Variants in CDC25C observed in about 807,000 individuals in gnomAD.
The protein encoded by CDC25C is M-phase inducer phosphatase 3.
In CDC25C, 48 loss-of-function variants were observed where a neutral mutation model predicts 52.5. The observed-to-expected ratio is 0.91, with a 90% CI of 0.72 to 1.16. The LOEUF is 1.16. Ranked by LOEUF, CDC25C falls within the 50% of genes most tolerant of loss-of-function variation. The probability of loss-of-function intolerance (pLI) is 0.00; values close to 1 mark genes in which losing one functional copy is unlikely to be tolerated. For synonymous variants in CDC25C, 187 were observed against 206.5 expected (o/e 0.91, Z 0.81); for missense variants, 510 against 566.1 (o/e 0.90, Z 1.01).
chr5:138,309,661 G>A lies in CDC25C; in HGVS notation c.615+9558C>T, dbSNP rs530194043. ...TCATCATCTATTATTATACTATCAA[G>A]AGCTCAAACATGGCATGCCCTCAAA... On this transcript the variant is annotated intron_variant, in intron 7 of 13. Coordinates refer to ENST00000323760, the MANE Select transcript of CDC25C (RefSeq NM_001790.5). Among the ~76,000 whole-genome samples the A allele has an allele frequency of 2.6e-5, 4 of 151,154 alleles. No individual in the cohort carries two copies. In the South Asian group the frequency reaches 8.4e-4, roughly 32 times the overall value.
chr5:138,287,301 C>T, intron 10 of CDC25C, 34 bp from the exon 11 acceptor site: 3 of 1,462,000 alleles, frequency 2.1e-6, no homozygotes, highest in Non-Finnish European at 2.9e-6. Context: ...ATTCTGCTCA[C>T]TGCCACTCTG....
At chr5:138,302,591 C>T (rs899322232) in intron 7 of CDC25C, among the ~76,000 whole-genome samples, 5 of 151,454 alleles carry the variant, frequency 3.3e-5, no homozygotes, top group Admixed American at 6.6e-5. Flanking sequence ...CCCAGCTACT[C>T]GGGAGGCTGA....
chr5:138,319,498 G>T, intron 6 of CDC25C, 124 bp from the exon 7 acceptor site: 1 of 657,232 alleles, frequency 1.5e-6, no homozygotes, highest in Non-Finnish European at 2.3e-6. Flanking sequence ...ACTGGATTTG[G>T]ATAATGCCAC....
At chr5:138,300,225 T>G (rs1213237996) in intron 7 of CDC25C, among the ~76,000 whole-genome samples, 2 of 152,014 alleles carry the variant, frequency 1.3e-5, no homozygotes, top group East Asian at 3.9e-4. Context: ...ATCCCAGAAA[T>G]GCAAGGTTGA....
chr5:138,331,511 C>A (rs11567957), intron 1 of CDC25C, 84 bp downstream of exon 1: 187,408 of 1,049,732 alleles, frequency 0.18, 17,825 homozygotes, highest in South Asian at 0.24. Flanking sequence ...GCCCTCCCAA[C>A]CTCTGTCTGT....
rs1393955760 is a variant in CDC25C, at chr5:138,286,086, G to T, written c.1208C>A (p.Ala403Glu). Residue 403 changes from alanine (A) to glutamate (E), a missense_variant, in exon 13 of 14, where the codon GCA becomes GAA. By Grantham distance (107) the Ala-to-Glu change is moderately radical. Coordinates refer to ENST00000323760, the MANE Select transcript of CDC25C (RefSeq NM_001790.5). ...GATATATAGCTCTGGGTAGTACAATGCAGGATACTGGTTCAGAGACCTGTC... is the reference window on the plus strand; with the variant it reads ...GATATATAGCTCTGGGTAGTACAATTCAGGATACTGGTTCAGAGACCTGTC... ...EEDRSLNQYP[A>E]LYYPELYILK... The T allele has an allele frequency of 2.7e-5, 43 of 1,614,092 alleles. No individual in the cohort carries two copies. The highest frequency in any genetic ancestry group is 3.6e-5 in the Non-Finnish European group (42 of 1,179,978).
Position 138,319,222 on chromosome 5 carries a change from T to C in CDC25C, c.612A>G (p.Ala204=). The change falls in exon 7 of 14, where the codon GCA becomes GCG. Residue 204 remains alanine, a synonymous_variant. Coordinates refer to ENST00000323760, the MANE Select transcript of CDC25C (RefSeq NM_001790.5). ...ATACTACCACAGAACACTTTACCTTTGCTTCTTGATCTTTCAGGGAAAACT... is the reference window on the plus strand; with the variant it reads ...ATACTACCACAGAACACTTTACCTTCGCTTCTTGATCTTTCAGGGAAAACT... ...LMEFSLKDQE[A]KVSRSGLYRS... 6.2e-7 allele frequency: 1 copy of C among 1,611,906 alleles called. No individual in the cohort carries two copies. Among genetic ancestry groups the C allele is most frequent in the Non-Finnish European group, 8.5e-7 (1 of 1,178,600 alleles).
intron 13 of CDC25C, 82 bp downstream of exon 13, chr5:138,285,940 C>A: frequency 1.9e-6 from 3 of 1,540,720 alleles, no homozygotes; most frequent in Admixed American, 1.7e-5. Context: ...TAAGGAGGAG[C>A]AGCAGTTTCT....
rs138202797 is a variant in CDC25C at position 138,330,989 on chromosome 5, A to C, written c.192T>G (p.Ser64=). The change falls in exon 2 of 14, where the codon TCT becomes TCG. Residue 64 remains serine, a splice_region_variant and synonymous_variant. Transcript: ENST00000323760. ...TGTAAAAATAAAAGTATATTTACCCAGACAAAATGCTTAGGTTTGCAGAAT... is the reference window on the plus strand; with the variant it reads ...TGTAAAAATAAAAGTATATTTACCCCGACAAAATGCTTAGGTTTGCAGAAT... ...LGDSANLSIL[S]GGTPKRCLDL... 5.4e-4 allele frequency: 867 copies of C among 1,600,886 alleles called. 1 individual carries two copies. Among genetic ancestry groups the C allele is most frequent in the Non-Finnish European group, 7.1e-4 (833 of 1,168,120 alleles).
intron 7 of CDC25C, among the ~76,000 whole-genome samples, chr5:138,296,754 C>T (rs1477798695): frequency 1.3e-5 from 2 of 150,490 alleles, no homozygotes; most frequent in Non-Finnish European, 3.0e-5. Context: ...TACAGGCGCC[C>T]GCCACCGCAC....
chr5:138,324,340 T>G (rs1265095320), intron 6 of CDC25C, among the ~76,000 whole-genome samples: 1 of 152,156 alleles, frequency 6.6e-6, no homozygotes, highest in Non-Finnish European at 1.5e-5. Flanking sequence ...TAAATTCTTG[T>G]AACTTTTTTA....
At chr5:138,330,038 T>C (rs1393792643) in intron 2 of CDC25C, among the ~76,000 whole-genome samples, 1 of 152,124 alleles carries the variant, frequency 6.6e-6, no homozygotes, top group Admixed American at 6.6e-5. Flanking sequence ...GCCAAGCCTG[T>C]TCATTTGAAA....
chr5:138,291,701 G>A (rs1458678813), intron 8 of CDC25C, among the ~76,000 whole-genome samples: 1 of 151,706 alleles, frequency 6.6e-6, no homozygotes, highest in Non-Finnish European at 1.5e-5. Context: ...TTATAGGCGT[G>A]AGCCACTGCA....
Position 138,285,697 on chromosome 5 carries a change from G to A in CDC25C, c.1417C>T (p.Pro473Ser), listed in dbSNP as rs1032039281. 2 of 1,613,734 alleles carry A rather than the reference G, an allele frequency of 1.2e-6. No individual in the cohort carries two copies. Among genetic ancestry groups the A allele is most frequent in the Non-Finnish European group, 1.7e-6 (2 of 1,179,928 alleles). Residue 473 changes from proline to serine, a missense_variant, in exon 14 of 14, where the codon CCA becomes TCA. Pro to Ser is a moderately conservative substitution (Grantham distance 74). Transcript: ENST00000323760. ...QIALLVKDMSP is the reference protein window; with the variant it reads ...QIALLVKDMSS The stretch of plus-strand genomic sequence containing the variant: ...AGCCAGTGGCTGGAATGTTATCATG[G>A]GCTCATGTCCTTCACCAGAAGGGCA...
intron 4 of CDC25C, among the ~76,000 whole-genome samples, chr5:138,327,670 G>A (rs1760001476): frequency 6.6e-6 from 1 of 151,888 alleles, no homozygotes; most frequent in Non-Finnish European, 1.5e-5. Flanking sequence ...TAAAATGCTT[G>A]GTATGTGCTA....
intron 6 of CDC25C, among the ~76,000 whole-genome samples, chr5:138,323,584 T>G (rs1759608213): frequency 6.6e-6 from 1 of 151,912 alleles, no homozygotes; most frequent in African/African-American, 2.4e-5. Flanking sequence ...AGTGCTGGGA[T>G]TACAGGGATG....
At chr5:138,298,522 C>T (rs1357838348) in intron 7 of CDC25C, among the ~76,000 whole-genome samples, 2 of 151,938 alleles carry the variant, frequency 1.3e-5, no homozygotes, top group South Asian at 2.1e-4. Context: ...GAGGCTGAGG[C>T]GGGCAGATCA....
chr5:138,305,630 G>A (rs866029310), intron 7 of CDC25C, among the ~76,000 whole-genome samples: 6 of 152,158 alleles, frequency 3.9e-5, no homozygotes, highest in South Asian at 2.1e-4. Flanking sequence ...CAAACTTGTC[G>A]ACTCAAACTA....
intron 3 of CDC25C, among the ~76,000 whole-genome samples, chr5:138,329,051 C>T (rs1045287803): frequency 3.3e-5 from 5 of 152,120 alleles, no homozygotes; most frequent in Admixed American, 6.5e-5. Flanking sequence ...CCTACAGGCA[C>T]GTGCCACCAT....
Sources: allele counts gnomAD v4.1 joint callset (sites outside exome capture counted in the v4.1 genomes callset), GRCh38; gene constraint gnomAD v4.1.1; transcripts MANE v1.5; gene names NCBI Gene and HGNC (gene_info 2026-07-23, HGNC 2026-07-21).